DPH6: variants seen among roughly 807,000 people sequenced by gnomAD.
DPH6 encodes diphthine--ammonia ligase.
In DPH6, 33 loss-of-function variants were observed where a neutral mutation model predicts 38.2. The observed-to-expected ratio is 0.86, with a 90% CI of 0.65 to 1.15. The LOEUF is 1.15. Ranked by LOEUF, DPH6 falls within the 50% of genes most tolerant of loss-of-function variation. The probability of loss-of-function intolerance (pLI) is 0.00; values close to 1 mark genes in which losing one functional copy is unlikely to be tolerated. For synonymous variants in DPH6, 108 were observed against 103.0 expected (o/e 1.05, Z -0.30); for missense variants, 325 against 320.0 (o/e 1.02, Z -0.12).
rs115574079 is a variant in DPH6 at position 35,521,406 on chromosome 15, C to T, written c.312+16868G>A. ...ATATCATCTAAAGAATCTGTAAGAT[C>T]CTCTAGGAAGTAAATGAACAAATTC... On this transcript the variant is annotated intron_variant, in intron 3 of 8. Transcript: ENST00000256538. 6,536 of 1,098,392 alleles carry T rather than the reference C, an allele frequency of 6.0e-3. 213 individuals carry two copies. In the African/African-American group the frequency reaches 0.08, roughly 13 times the overall value. 68.0% of individuals were successfully genotyped at this position (1,098,392 alleles called of 1,614,324 possible).
chr15:35,370,318 T>G (rs2052699722), downstream of DPH6, among the ~76,000 whole-genome samples: 1 of 151,544 alleles, frequency 6.6e-6, no homozygotes, highest in South Asian at 2.1e-4. Flanking sequence ...AGCATAATAC[T>G]AGAAAAAAAG....
intron 6 of DPH6, among the ~76,000 whole-genome samples, chr15:35,388,062 A>G (rs2052996843): frequency 6.6e-6 from 1 of 152,146 alleles, no homozygotes. Context: ...AGGTTGTTGA[A>G]TTTTGTCAAA....
intron 3 of DPH6, among the ~76,000 whole-genome samples, chr15:35,295,586 T>A (rs1212851574): frequency 6.6e-6 from 1 of 152,172 alleles, no homozygotes; most frequent in East Asian, 1.9e-4. Context: ...CACATCTAGG[T>A]AGATAATCCA....
At chr15:35,401,642 A>G in intron 6 of DPH6, 1 of 754,262 alleles carries the variant, frequency 1.3e-6, no homozygotes, top group Non-Finnish European at 2.4e-6. Flanking sequence ...TGAAGGTAGG[A>G]AACTTTGGAG....
chr15:35,427,906 G>A (rs2053588892), intron 5 of DPH6, among the ~76,000 whole-genome samples: 1 of 151,714 alleles, frequency 6.6e-6, no homozygotes, highest in Non-Finnish European at 1.5e-5. Flanking sequence ...TCTTCCAGAA[G>A]CATAGATCAC....
chr15:35,367,660 C>T (rs565922770), downstream of DPH6, among the ~76,000 whole-genome samples: 188 of 151,638 alleles, frequency 1.2e-3, 1 homozygote, highest in Admixed American at 2.0e-3. Flanking sequence ...TAGTTGATAT[C>T]ATTTTTACAT....
rs72703189 is a variant in DPH6 at position 35,407,242 on chromosome 15, G to T, written c.567+3593C>A. On this transcript the variant is annotated intron_variant, in intron 6 of 8. Coordinates refer to ENST00000256538, the MANE Select transcript of DPH6 (RefSeq NM_080650.4). ...GCGGAAATTTGTGGGGATGGAAAAA[G>T]AATTTATGCATTTTTTTTTAAAGAA... Among the ~76,000 whole-genome samples, 271 of 142,862 alleles carry T rather than the reference G, an allele frequency of 1.9e-3. 1 individual carries two copies. The highest frequency in any genetic ancestry group is 4.7e-3 in the East Asian group (23 of 4,892). The allele number at this position is 142,862 out of a possible 152,430, so 93.7% of individuals were successfully genotyped here.
intron 3 of DPH6, among the ~76,000 whole-genome samples, chr15:35,264,096 G>GT (rs35083341): frequency 5.1e-4 from 75 of 146,712 alleles, no homozygotes; most frequent in African/African-American, 1.2e-3. Flanking sequence ...TTTAAGCCTT[G>GT]TTTTTTTTTT....
chr15:35,271,020 A>C (rs2051818961), intron 3 of DPH6, among the ~76,000 whole-genome samples: 1 of 152,192 alleles, frequency 6.6e-6, no homozygotes. Context: ...GCATGTTTTT[A>C]GTTATTGGTC....
At chr15:35,212,467 C>CCCAGGA (rs1174691020), downstream of DPH6, among the ~76,000 whole-genome samples, 5 of 151,932 alleles carry the variant, frequency 3.3e-5, no homozygotes, top group African/African-American at 1.2e-4. Context: ...ATGCTGAGTG[C>CCCAGGA]CCAGGACCGA....
chr15:35,189,453 CA>C, the DPH6 span, among the ~76,000 whole-genome samples: 1 of 152,118 alleles, frequency 6.6e-6, no homozygotes, highest in African/African-American at 2.4e-5. Flanking sequence ...AAATATAATC[CA>C]CCTTCACCTT....
the DPH6 span, among the ~76,000 whole-genome samples, chr15:35,197,608 C>T: frequency 6.6e-6 from 1 of 152,184 alleles, no homozygotes; most frequent in African/African-American, 2.4e-5. Flanking sequence ...TGTATACATG[C>T]CTGAAATACA....
intron 2 of DPH6, among the ~76,000 whole-genome samples, chr15:35,541,488 T>C (rs1283865238): frequency 6.8e-6 from 1 of 146,172 alleles, no homozygotes; most frequent in Non-Finnish European, 1.6e-5. Flanking sequence ...TTAGCTAGAT[T>C]CCAATTCAGC....
At chr15:35,211,376 T>C in the DPH6 span, among the ~76,000 whole-genome samples, 1 of 152,152 alleles carries the variant, frequency 6.6e-6, no homozygotes, top group African/African-American at 2.4e-5. Flanking sequence ...GACAGTCCCA[T>C]ATGCAACTCC....
In DPH6 at chr15:35,450,647, T is replaced by A. The variant is rs747451842; in HGVS notation, c.505+38A>T. The A allele has an allele frequency of 3.3e-6, 5 of 1,502,392 alleles. No homozygotes were observed. In the East Asian group the frequency reaches 1.1e-4, roughly 34 times the overall value. 93.1% of individuals were successfully genotyped at this position (1,502,392 alleles called of 1,614,324 possible). ...TATTAGTGAACTGAGATCATCTATG[T>A]GGCAACAAACAGCTCCCTTGATAGT... On this transcript the variant is annotated intron_variant, in intron 5 of 8. Transcript: ENST00000256538.
intron 3 of DPH6, among the ~76,000 whole-genome samples, chr15:35,456,470 T>TA (rs2053998217): frequency 6.8e-6 from 1 of 146,964 alleles, no homozygotes; most frequent in Non-Finnish European, 1.5e-5. Flanking sequence ...TATATATATA[T>TA]ATATTTATTT....
intron 6 of DPH6, among the ~76,000 whole-genome samples, chr15:35,404,271 G>C (rs927671833): frequency 1.3e-5 from 2 of 152,064 alleles, no homozygotes; most frequent in East Asian, 1.9e-4. Flanking sequence ...TCATATAGTA[G>C]CTCTATTTTT....
chr15:35,214,724 C>T (rs1031985164), downstream of DPH6, among the ~76,000 whole-genome samples: 1 of 152,188 alleles, frequency 6.6e-6, no homozygotes, highest in Admixed American at 6.5e-5. Context: ...TCTCCTGCCT[C>T]AGACTACCGA....
At chr15:35,276,766 T>C (rs1163951355) in intron 3 of DPH6, among the ~76,000 whole-genome samples, 2 of 152,224 alleles carry the variant, frequency 1.3e-5, no homozygotes, top group African/African-American at 4.8e-5. Context: ...TTCTGGGTTC[T>C]CTATTCTGTT....
Sources: gnomAD v4.1 joint callset for allele counts (sites outside exome capture counted in the v4.1 genomes callset) on GRCh38, gnomAD v4.1.1 for gene constraint, MANE v1.5 for transcripts, NCBI Gene and HGNC (gene_info 2026-07-23, HGNC 2026-07-21) for gene names.